The following ZDHHC14 variants were observed in gnomAD, a reference collection of about 807,000 sequenced individuals.
ZDHHC14 encodes palmitoyltransferase ZDHHC14.
A neutral mutation model predicts 47.7 loss-of-function variants in ZDHHC14; 16 were observed. The observed-to-expected ratio is 0.34, with a 90% confidence interval of 0.23 to 0.51. ZDHHC14 has a LOEUF of 0.51. Ranked by LOEUF, ZDHHC14 falls within the 20% of genes least tolerant of loss-of-function variation. The pLI is 0.97. For synonymous variants in ZDHHC14, 293 were observed against 278.9 expected, an observed-to-expected ratio of 1.05 and a Z score of -0.50; for missense variants, 515 against 662.5, an observed-to-expected ratio of 0.78 and a Z score of 2.44.
intron 1 of ZDHHC14, among the ~76,000 whole-genome samples, chr6:157,477,708 T>G (rs1779527347): frequency 6.6e-6 from 1 of 152,192 alleles, no homozygotes; most frequent in African/African-American, 2.4e-5. Context: ...TATTTGAAAT[T>G]TTTCTCTGTT....
chr6:157,562,523 C>T (rs1782750035), intron 2 of ZDHHC14, among the ~76,000 whole-genome samples: 1 of 152,098 alleles, frequency 6.6e-6, no homozygotes, highest in Non-Finnish European at 1.5e-5. Context: ...GTGGGGGCTC[C>T]CGAGAGGGTC....
intron 1 of ZDHHC14, among the ~76,000 whole-genome samples, chr6:157,386,484 C>T (rs1777314414): frequency 6.6e-6 from 1 of 152,176 alleles, no homozygotes; most frequent in Non-Finnish European, 1.5e-5. Context: ...CTGTCCTTAT[C>T]CAGACTGGAT....
intron 1 of ZDHHC14, among the ~76,000 whole-genome samples, chr6:157,454,590 T>C (rs758663321): frequency 3.3e-5 from 5 of 150,646 alleles, no homozygotes; most frequent in South Asian, 4.3e-4. Flanking sequence ...AGCCTTGAAC[T>C]CCTTGGCTCA....
At chr6:157,599,463 C>T (rs546925883) in intron 3 of ZDHHC14, among the ~76,000 whole-genome samples, 6 of 152,200 alleles carry the variant, frequency 3.9e-5, no homozygotes, top group South Asian at 4.1e-4. Flanking sequence ...TTTGTTTCCA[C>T]GCCCAAGCAG....
At chr6:157,491,694 C>G (rs758018568) in intron 1 of ZDHHC14, among the ~76,000 whole-genome samples, 1 of 152,138 alleles carries the variant, frequency 6.6e-6, no homozygotes, top group Non-Finnish European at 1.5e-5. Flanking sequence ...GGCCTGGGGC[C>G]GTCATTTGGC....
chr6:157,390,735 G>A (rs773568884), intron 1 of ZDHHC14, among the ~76,000 whole-genome samples: 9 of 151,784 alleles, frequency 5.9e-5, no homozygotes, highest in Non-Finnish European at 1.2e-4. Flanking sequence ...AGTTTTTAAG[G>A]AGTCTGCTTT....
At chr6:157,661,383 C>G (rs1583092153) in intron 8 of ZDHHC14, among the ~76,000 whole-genome samples, 1 of 152,198 alleles carries the variant, frequency 6.6e-6, no homozygotes, top group African/African-American at 2.4e-5. Context: ...CCAATTTCAT[C>G]TTACATGCTG....
chr6:157,410,342 T>C (rs988491615), intron 1 of ZDHHC14, among the ~76,000 whole-genome samples: 3 of 152,232 alleles, frequency 2.0e-5, no homozygotes, highest in Non-Finnish European at 4.4e-5. Flanking sequence ...GAATGTGCTA[T>C]GTCATGGTAG....
chr6:157,653,521 G>T lies in ZDHHC14; in HGVS notation c.966-4G>T, dbSNP rs775333192. 3.1e-6 allele frequency: 5 copies of T among 1,613,146 alleles called. No homozygotes were observed. In the East Asian group the frequency reaches 1.1e-4, roughly 36 times the overall value. ...TTCCTGCTGTGTTTTCTTTTCTCTC[G>T]CAGCCTGATCGACAGAAGAGGGTAC... On this transcript the variant is annotated splice_region_variant and splice_polypyrimidine_tract_variant and intron_variant, in intron 7 of 8. Transcript: ENST00000359775.
intron 2 of ZDHHC14, among the ~76,000 whole-genome samples, chr6:157,558,688 A>G (rs1345328777): frequency 1.3e-5 from 2 of 152,030 alleles, no homozygotes; most frequent in African/African-American, 4.8e-5. Flanking sequence ...CTGTTTTTCC[A>G]CTTGACAGTG....
intron 1 of ZDHHC14, among the ~76,000 whole-genome samples, chr6:157,418,159 T>C (rs1394967743): frequency 6.6e-6 from 1 of 152,060 alleles, no homozygotes; most frequent in Non-Finnish European, 1.5e-5. Flanking sequence ...CCCTGGGTCC[T>C]TCTCAGAAGT....
chr6:157,406,899 C>T (rs1298990324), intron 1 of ZDHHC14, among the ~76,000 whole-genome samples: 1 of 152,130 alleles, frequency 6.6e-6, no homozygotes, highest in Non-Finnish European at 1.5e-5. Context: ...TCTTTGTCTG[C>T]GGGTCAGAGA....
At chr6:157,482,282 A>C (rs1213378434) in intron 1 of ZDHHC14, among the ~76,000 whole-genome samples, 4 of 121,424 alleles carry the variant, frequency 3.3e-5, no homozygotes, top group Admixed American at 9.6e-5. Context: ...TTTTTTTGAG[A>C]TGGAGTCTTG....
intron 1 of ZDHHC14, among the ~76,000 whole-genome samples, chr6:157,432,965 A>C (rs964197982): frequency 6.6e-6 from 1 of 152,272 alleles, no homozygotes; most frequent in African/African-American, 2.4e-5. Flanking sequence ...TGGGAAGCAA[A>C]GAAACAAGTT....
intron 1 of ZDHHC14, among the ~76,000 whole-genome samples, chr6:157,460,405 G>GGA (rs1779049133): frequency 4.6e-5 from 2 of 43,360 alleles, no homozygotes; most frequent in Non-Finnish European, 7.9e-5. Flanking sequence ...TCTCTCTCTG[G>GGA]AAAAAAAAAA....
At chr6:157,544,503 G>A (rs1562472321) in intron 2 of ZDHHC14, among the ~76,000 whole-genome samples, 1 of 152,130 alleles carries the variant, frequency 6.6e-6, no homozygotes, top group Non-Finnish European at 1.5e-5. Context: ...AAAAAAATTG[G>A]CAGGGTGTGG....
intron 1 of ZDHHC14, among the ~76,000 whole-genome samples, chr6:157,416,377 T>C (rs1405785176): frequency 6.6e-6 from 1 of 151,904 alleles, no homozygotes; most frequent in African/African-American, 2.4e-5. Flanking sequence ...TTTAAGAAAT[T>C]ATAGGCTGGA....
chr6:157,392,469 A>C (rs935485295), intron 1 of ZDHHC14, among the ~76,000 whole-genome samples: 1 of 151,938 alleles, frequency 6.6e-6, no homozygotes, highest in Non-Finnish European at 1.5e-5. Context: ...GTTGTCTCTT[A>C]GACCGTATTC....
intron 2 of ZDHHC14, among the ~76,000 whole-genome samples, chr6:157,555,119 A>G (rs550406323): frequency 2.0e-5 from 3 of 152,320 alleles, no homozygotes; most frequent in African/African-American, 4.8e-5. Context: ...AGGACTCAAC[A>G]TGGATTTTAC....
Sources: allele counts gnomAD v4.1 joint callset (sites outside exome capture counted in the v4.1 genomes callset), GRCh38; gene constraint gnomAD v4.1.1; transcripts MANE v1.5; gene names NCBI Gene and HGNC (gene_info 2026-07-23, HGNC 2026-07-21).